XRCC4: variants seen among roughly 807,000 people sequenced by gnomAD.
XRCC4 encodes the protein DNA repair protein XRCC4.
A neutral mutation model predicts 39.1 loss-of-function variants in XRCC4; 28 were observed. The ratio of observed to expected loss-of-function variants is 0.72; its 90% CI spans 0.53 to 0.98. XRCC4 has a LOEUF of 0.98. Among genes scored for constraint, XRCC4 ranks in the 50% least tolerant of loss-of-function variants. The probability of loss-of-function intolerance (pLI) is 0.00; values close to 1 mark genes in which losing one functional copy is unlikely to be tolerated. For synonymous variants in XRCC4, 123 were observed against 126.4 expected (o/e 0.97, Z 0.18); for missense variants, 350 against 376.4 (o/e 0.93, Z 0.58).
At chr5:83,159,227 C>T (rs879354486) in intron 3 of XRCC4, among the ~76,000 whole-genome samples, 14 of 152,056 alleles carry the variant, frequency 9.2e-5, no homozygotes, top group Admixed American at 9.2e-4. Flanking sequence ...TTCAATTCTG[C>T]TTATATTTCC....
chr5:83,159,263 G>C (rs1253460364), intron 3 of XRCC4, among the ~76,000 whole-genome samples: 1 of 152,024 alleles, frequency 6.6e-6, no homozygotes, highest in Non-Finnish European at 1.5e-5. Context: ...ATATTTGCAA[G>C]GCAGTAATTC....
rs762089372 is a variant in XRCC4, at chr5:83,353,253, A to G, written c.*11A>G. 1 of 1,566,582 alleles carries G rather than the reference A, an allele frequency of 6.4e-7. No individual in the cohort carries two copies. Among genetic ancestry groups the G allele is most frequent in the Non-Finnish European group, 8.7e-7 (1 of 1,152,474 alleles). On this transcript the variant is annotated 3_prime_UTR_variant, in exon 8 of 8. Coordinates refer to ENST00000396027, the MANE Select transcript of XRCC4 (RefSeq NM_003401.5). ...TTTGATGAGATTTAACAGTCTCAAA[A>G]AATACTTTGATGTTCACTAGACTAT...
At chr5:83,083,400 G>A (rs1469503468) in intron 1 of XRCC4, among the ~76,000 whole-genome samples, 1 of 125,600 alleles carries the variant, frequency 8.0e-6, no homozygotes, top group Non-Finnish European at 1.6e-5. Context: ...TTTTTGAGAT[G>A]GAGTCTTGCT....
intron 3 of XRCC4, among the ~76,000 whole-genome samples, chr5:83,143,556 A>G (rs971490399): frequency 2.6e-5 from 4 of 152,268 alleles, no homozygotes; most frequent in South Asian, 2.1e-4. Flanking sequence ...CTGCTGATCC[A>G]TATTTCTGTC....
At chr5:83,102,533 G>A (rs1477101647) in intron 1 of XRCC4, among the ~76,000 whole-genome samples, 1 of 152,104 alleles carries the variant, frequency 6.6e-6, no homozygotes, top group East Asian at 1.9e-4. Flanking sequence ...TAGGGCATAG[G>A]AGATCAGAGT....
intron 7 of XRCC4, among the ~76,000 whole-genome samples, chr5:83,309,751 G>A (rs1300424780): frequency 1.1e-4 from 6 of 54,708 alleles, no homozygotes; most frequent in Non-Finnish European, 3.1e-5. Flanking sequence ...AGTGAGACCC[G>A]TCTCAAAAAA....
chr5:83,239,503 C>T (rs905358906), intron 6 of XRCC4, among the ~76,000 whole-genome samples: 1 of 152,118 alleles, frequency 6.6e-6, no homozygotes, highest in Non-Finnish European at 1.5e-5. Context: ...CAGGACATTC[C>T]AGGTAGAGAG....
At chr5:83,343,628 C>T (rs187391047) in intron 7 of XRCC4, among the ~76,000 whole-genome samples, 1 of 152,278 alleles carries the variant, frequency 6.6e-6, no homozygotes, top group Admixed American at 6.5e-5. Flanking sequence ...GTACAACACT[C>T]CTCCCTGGTT....
Position 83,111,110 on chromosome 5 carries a change from G to A in XRCC4, c.222G>A (p.Leu74=). Reference sequence around the variant, plus strand: ...ATGTTGGTGAACTGAGAAAAGCATTGTTGTCAGGAGCAGGACCAGCTGATG... The same window carrying A: ...ATGTTGGTGAACTGAGAAAAGCATTATTGTCAGGAGCAGGACCAGCTGATG... ...GKYVGELRKA[L]LSGAGPADVY... The change falls in exon 3 of 8, where the codon TTG becomes TTA. Residue 74 remains leucine, a synonymous_variant. Transcript: ENST00000396027. The A allele has an allele frequency of 6.2e-7, 1 of 1,611,744 alleles. No individual in the cohort carries two copies. The highest frequency in any genetic ancestry group is 2.2e-5 in the East Asian group (1 of 44,624).
At chr5:83,217,794 AG>A (rs1285244050) in intron 6 of XRCC4, among the ~76,000 whole-genome samples, 26 of 152,244 alleles carry the variant, frequency 1.7e-4, no homozygotes, top group African/African-American at 5.8e-4. Context: ...AAGTGGCTTA[AG>A]GGTGTCTTCA....
intron 6 of XRCC4, among the ~76,000 whole-genome samples, chr5:83,228,686 C>G (rs1429242996): frequency 6.6e-6 from 1 of 151,790 alleles, no homozygotes; most frequent in South Asian, 2.1e-4. Context: ...ACATGTAAAC[C>G]TTGGTGGTAA....
Position 83,328,547 on chromosome 5 carries a change from A to C in XRCC4, c.894-24584A>C, listed in dbSNP as rs527421434. Among the ~76,000 whole-genome samples, 36 of 152,264 alleles carry C rather than the reference A, an allele frequency of 2.4e-4. No individual in the cohort carries two copies. The South Asian group carries it at 6.2e-3, about 26-fold the overall frequency. ...AGATGGAGCAAATTGTAAAATTTAA[A>C]GGACAGGAATATTCAGTATCTTAAA... is the stretch of plus-strand genomic sequence containing the variant. On this transcript the variant is annotated intron_variant, in intron 7 of 7. Coordinates refer to ENST00000396027, the MANE Select transcript of XRCC4 (RefSeq NM_003401.5).
At chr5:83,140,371 A>C (rs1355257154) in intron 3 of XRCC4, among the ~76,000 whole-genome samples, 1 of 152,212 alleles carries the variant, frequency 6.6e-6, no homozygotes, top group African/African-American at 2.4e-5. Flanking sequence ...CAAGGGCAGG[A>C]AGCATCCAGC....
intron 7 of XRCC4, among the ~76,000 whole-genome samples, chr5:83,271,868 A>G (rs758983519): frequency 2.6e-5 from 4 of 152,174 alleles, no homozygotes; most frequent in Non-Finnish European, 4.4e-5. Context: ...CTATCTTTCT[A>G]TTATGTGAGC....
chr5:83,190,197 C>T (rs1368528336), intron 3 of XRCC4, among the ~76,000 whole-genome samples: 1 of 152,118 alleles, frequency 6.6e-6, no homozygotes, highest in African/African-American at 2.4e-5. Flanking sequence ...TGATGAGGAA[C>T]ATAGCTAGGT....
chr5:83,259,224 C>T (rs953452753), intron 7 of XRCC4: 1 of 152,754 alleles, frequency 6.5e-6, no homozygotes, highest in Non-Finnish European at 1.5e-5. Flanking sequence ...CTTAATATTT[C>T]GTTACAGCAA....
At chr5:83,272,545 A>G (rs1754179613) in intron 7 of XRCC4, among the ~76,000 whole-genome samples, 1 of 152,028 alleles carries the variant, frequency 6.6e-6, no homozygotes, top group Non-Finnish European at 1.5e-5. Flanking sequence ...CCCCGTATGC[A>G]TTAGGTATTT....
At chr5:83,209,557 T>C (rs189732964) in intron 6 of XRCC4, among the ~76,000 whole-genome samples, 45 of 152,234 alleles carry the variant, frequency 3.0e-4, no homozygotes, top group African/African-American at 1.0e-3. Context: ...CATGCAAATA[T>C]TTAGTGGAAA....
intron 7 of XRCC4, among the ~76,000 whole-genome samples, chr5:83,337,050 ATGT>A (rs1232742727): frequency 6.6e-6 from 1 of 152,164 alleles, no homozygotes; most frequent in African/African-American, 2.4e-5. Context: ...AAAGTTTATA[ATGT>A]TGTCCTTTGA....
Sources: allele counts gnomAD v4.1 joint callset (sites outside exome capture counted in the v4.1 genomes callset), GRCh38; gene constraint gnomAD v4.1.1; transcripts MANE v1.5; gene names NCBI Gene and HGNC (gene_info 2026-07-23, HGNC 2026-07-21).